PLA2G4A: variants seen among roughly 807,000 people sequenced by gnomAD.
The protein encoded by PLA2G4A is cytosolic phospholipase A2.
PLA2G4A carries 40 observed loss-of-function variants against 81.9 expected under a neutral mutation model. The ratio of observed to expected loss-of-function variants is 0.49; its 90% confidence interval spans 0.38 to 0.64. The LOEUF (loss-of-function observed/expected upper bound fraction) is 0.64. Ranked by LOEUF, PLA2G4A falls within the 30% of genes least tolerant of loss-of-function variation. PLA2G4A has a pLI of 0.00. For synonymous variants in PLA2G4A, 302 were observed against 296.9 expected (o/e 1.02, Z -0.18); for missense variants, 715 against 905.1 (o/e 0.79, Z 2.69).
chr1:186,866,393 G>T (rs888477083), intron 2 of PLA2G4A, among the ~76,000 whole-genome samples: 2 of 151,972 alleles, frequency 1.3e-5, no homozygotes, highest in Non-Finnish European at 2.9e-5. Context: ...TCTAGTAAAA[G>T]TTCACCATTT....
intron 14 of PLA2G4A, among the ~76,000 whole-genome samples, chr1:186,959,327 T>C (rs1656865659): frequency 8.1e-6 from 1 of 123,500 alleles, no homozygotes; most frequent in Admixed American, 9.0e-5. Flanking sequence ...TAGGCAGTTT[T>C]CATAAAATAA....
chr1:186,943,545 C>T (rs1358156621), intron 10 of PLA2G4A, among the ~76,000 whole-genome samples: 1 of 151,980 alleles, frequency 6.6e-6, no homozygotes, highest in Non-Finnish European at 1.5e-5. Context: ...GTGTGTAGAC[C>T]TGACATAAGG....
chr1:186,847,956 T>C (rs565500471), intron 1 of PLA2G4A, among the ~76,000 whole-genome samples: 2 of 152,266 alleles, frequency 1.3e-5, no homozygotes, highest in East Asian at 3.9e-4. Context: ...CAGGGTTTGT[T>C]GGAAGAAAGA....
At chr1:186,883,624 C>T (rs1653823012) in intron 3 of PLA2G4A, among the ~76,000 whole-genome samples, 1 of 152,074 alleles carries the variant, frequency 6.6e-6, no homozygotes, top group South Asian at 2.1e-4. Context: ...AGAAAGTCCA[C>T]AGTTTAGTGA....
At chr1:186,986,184 C>T (rs1255062071) in intron 17 of PLA2G4A, among the ~76,000 whole-genome samples, 1 of 152,162 alleles carries the variant, frequency 6.6e-6, no homozygotes, top group African/African-American at 2.4e-5. Flanking sequence ...GGAACACCAG[C>T]TGAGGTCCAA....
intron 8 of PLA2G4A, among the ~76,000 whole-genome samples, chr1:186,937,391 A>C (rs1475453955): frequency 2.0e-5 from 3 of 151,956 alleles, no homozygotes. Context: ...TAGACTTTGG[A>C]ATAACTATAG....
chr1:186,943,773 G>A (rs1430649317), intron 10 of PLA2G4A, among the ~76,000 whole-genome samples: 1 of 152,146 alleles, frequency 6.6e-6, no homozygotes, highest in South Asian at 2.1e-4. Flanking sequence ...GTGAAGAAAA[G>A]GTGTTGTATT....
intron 2 of PLA2G4A, among the ~76,000 whole-genome samples, chr1:186,858,044 G>A (rs1652654659): frequency 6.6e-6 from 1 of 152,052 alleles, no homozygotes; most frequent in Admixed American, 6.6e-5. Context: ...CTTTCCTATT[G>A]TGAATAGTGC....
chr1:186,939,276 A>C (rs544777446), intron 9 of PLA2G4A, 46 bp downstream of exon 9: 5 of 799,488 alleles, frequency 6.3e-6, no homozygotes, highest in South Asian at 6.1e-5. Flanking sequence ...AAGTAGACAG[A>C]ACATATTATA....
At chr1:186,919,267 C>G (rs1391649367) in intron 7 of PLA2G4A, among the ~76,000 whole-genome samples, 1 of 152,182 alleles carries the variant, frequency 6.6e-6, no homozygotes, top group African/African-American at 2.4e-5. Flanking sequence ...CCCACAGCTC[C>G]TAGGAATTCC....
At chr1:186,938,626 G>C (rs1022742909) in intron 8 of PLA2G4A, among the ~76,000 whole-genome samples, 1 of 152,128 alleles carries the variant, frequency 6.6e-6, no homozygotes, top group African/African-American at 2.4e-5. Context: ...CAGATTGCTT[G>C]ACTAGTCTTG....
intron 13 of PLA2G4A, among the ~76,000 whole-genome samples, chr1:186,952,883 T>C (rs1209788738): frequency 6.6e-6 from 1 of 152,204 alleles, no homozygotes; most frequent in Non-Finnish European, 1.5e-5. Flanking sequence ...CTTCATAGCT[T>C]ATTTTTTTAG....
chr1:186,912,192 T>C (rs12720565), intron 7 of PLA2G4A, among the ~76,000 whole-genome samples: 3,387 of 152,284 alleles, frequency 0.022, 137 homozygotes, highest in African/African-American at 0.078. Context: ...TCTAGTGATC[T>C]GAGTATCCTT....
At chr1:186,892,248 C>A (rs1231359967) in intron 3 of PLA2G4A, among the ~76,000 whole-genome samples, 1 of 151,912 alleles carries the variant, frequency 6.6e-6, no homozygotes, top group Non-Finnish European at 1.5e-5. Context: ...GTTGTCTCTT[C>A]ATTTTGTTGA....
intron 7 of PLA2G4A, among the ~76,000 whole-genome samples, chr1:186,917,600 C>T (rs2102170465): frequency 6.6e-6 from 1 of 152,256 alleles, no homozygotes; most frequent in African/African-American, 2.4e-5. Context: ...ACCAAGTGAG[C>T]CACAAATGCC....
chr1:186,965,653 T>C, intron 15 of PLA2G4A, 60 bp downstream of exon 15: 2 of 1,176,940 alleles, frequency 1.7e-6, no homozygotes, highest in Admixed American at 1.7e-5. Flanking sequence ...GCCTTATAGA[T>C]CTCTTAGTCC....
At chr1:186,913,683 C>A (rs948300069) in intron 7 of PLA2G4A, among the ~76,000 whole-genome samples, 1 of 152,122 alleles carries the variant, frequency 6.6e-6, no homozygotes, top group African/African-American at 2.4e-5. Flanking sequence ...TAGTCTTGTA[C>A]ACTCTTGAAT....
intron 14 of PLA2G4A, 137 bp downstream of exon 14, chr1:186,956,481 C>A: frequency 1.2e-6 from 1 of 855,898 alleles, no homozygotes; most frequent in Non-Finnish European, 2.0e-6. Context: ...GTGTGAAGGG[C>A]TTCAAATGAC....
At chr1:186,917,547 A>G (rs950729627) in intron 7 of PLA2G4A, among the ~76,000 whole-genome samples, 5 of 152,160 alleles carry the variant, frequency 3.3e-5, no homozygotes, top group African/African-American at 1.2e-4. Context: ...AGTAGGCGGT[A>G]TGTAGCTTCC....
Sources: allele counts gnomAD v4.1 joint callset (sites outside exome capture counted in the v4.1 genomes callset), GRCh38; gene constraint gnomAD v4.1.1; transcripts MANE v1.5; gene names NCBI Gene and HGNC (gene_info 2026-07-23, HGNC 2026-07-21).